The following DLG2 variants were observed in gnomAD, a reference collection of about 807,000 sequenced individuals.
DLG2 encodes the protein discs large MAGUK scaffold protein 2.
Under a neutral mutation model 132.5 loss-of-function variants are expected in DLG2, and 45 were observed. That is an observed-to-expected ratio of 0.34 (90% confidence interval 0.27 to 0.44). The LOEUF (loss-of-function observed/expected upper bound fraction) is 0.44. Among genes scored for constraint, DLG2 ranks in the 20% least tolerant of loss-of-function variants. DLG2 has a pLI of 1.00. For missense variants in DLG2, 1,045 were observed against 1,196.9 expected (o/e 0.87, Z 1.87); for synonymous variants, 424 against 419.6 (o/e 1.01, Z -0.13).
At chr11:83,834,614 T>C (rs2055591403) in intron 16 of DLG2, among the ~76,000 whole-genome samples, 1 of 151,940 alleles carries the variant, frequency 6.6e-6, no homozygotes, top group African/African-American at 2.4e-5. Flanking sequence ...GATATCCAGG[T>C]GGAGATGTTC....
At chr11:85,621,258 T>C (rs532021625) in intron 2 of DLG2, among the ~76,000 whole-genome samples, 1 of 152,132 alleles carries the variant, frequency 6.6e-6, no homozygotes, top group Non-Finnish European at 1.5e-5. Flanking sequence ...TTACTACTCA[T>C]TGACAATGCA....
intron 6 of DLG2, among the ~76,000 whole-genome samples, chr11:85,088,707 T>A (rs549311882): frequency 2.2e-4 from 34 of 152,332 alleles, no homozygotes; most frequent in East Asian, 1.2e-3. Context: ...ATGTCTAATA[T>A]TTGATACATG....
At chr11:84,941,563 C>A (rs916094829) in intron 6 of DLG2, among the ~76,000 whole-genome samples, 3 of 151,974 alleles carry the variant, frequency 2.0e-5, no homozygotes, top group African/African-American at 7.3e-5. Flanking sequence ...TCCTTGTATC[C>A]CTGAGATAGA....
At chr11:85,015,442 G>GA (rs1327586373) in intron 6 of DLG2, among the ~76,000 whole-genome samples, 1 of 144,988 alleles carries the variant, frequency 6.9e-6, no homozygotes. Flanking sequence ...TGGCAAAACA[G>GA]AAAAAAAAGC....
chr11:83,625,959 C>T (rs925510887), intron 19 of DLG2, among the ~76,000 whole-genome samples: 1 of 152,172 alleles, frequency 6.6e-6, no homozygotes, highest in Non-Finnish European at 1.5e-5. Context: ...TTTTCTCTCA[C>T]ATTTGTGTAG....
intron 6 of DLG2, among the ~76,000 whole-genome samples, chr11:84,903,501 TC>T (rs1190232794): frequency 6.6e-6 from 1 of 152,136 alleles, no homozygotes; most frequent in Non-Finnish European, 1.5e-5. Context: ...TATAAGCTAC[TC>T]AGGGGCAGGA....
intron 18 of DLG2, among the ~76,000 whole-genome samples, chr11:83,694,764 C>T (rs2081588878): frequency 6.6e-6 from 1 of 152,150 alleles, no homozygotes; most frequent in Non-Finnish European, 1.5e-5. Context: ...TAGCAATTGG[C>T]AAATCAGGCA....
intron 6 of DLG2, among the ~76,000 whole-genome samples, chr11:84,957,065 T>G (rs533371051): frequency 6.6e-6 from 1 of 152,318 alleles, no homozygotes; most frequent in South Asian, 2.1e-4. Context: ...CTAAGAACTA[T>G]GAATTAACTA....
chr11:84,892,367 T>G (rs2154064646), intron 6 of DLG2, among the ~76,000 whole-genome samples: 1 of 152,224 alleles, frequency 6.6e-6, no homozygotes, highest in South Asian at 2.1e-4. Context: ...AAATAACCAT[T>G]GTTAATGTTA....
chr11:85,044,679 T>C (rs1490124588), intron 6 of DLG2, among the ~76,000 whole-genome samples: 1 of 151,984 alleles, frequency 6.6e-6, no homozygotes, highest in Non-Finnish European at 1.5e-5. Context: ...CTGCTTAAAC[T>C]TGCCTATATG....
chr11:83,499,893 A>ATC (rs1565493067), intron 21 of DLG2, among the ~76,000 whole-genome samples: 68 of 114,726 alleles, frequency 5.9e-4, no homozygotes, highest in African/African-American at 2.3e-3. Context: ...ATATATATAT[A>ATC]TATATCAGTT....
chr11:84,486,918 A>G (rs1273815330), intron 7 of DLG2, among the ~76,000 whole-genome samples: 1 of 152,188 alleles, frequency 6.6e-6, no homozygotes, highest in African/African-American at 2.4e-5. Flanking sequence ...TAATGCATGT[A>G]TAAGACATTC....
intron 9 of DLG2, among the ~76,000 whole-genome samples, chr11:84,137,344 T>C (rs2094640322): frequency 6.6e-6 from 1 of 152,038 alleles, no homozygotes; most frequent in South Asian, 2.1e-4. Context: ...GAGAAAAAAA[T>C]AGCCCCATGT....
intron 6 of DLG2, among the ~76,000 whole-genome samples, chr11:84,753,303 G>A: frequency 6.6e-6 from 1 of 152,198 alleles, no homozygotes; most frequent in East Asian, 1.9e-4. Context: ...ATAAAGAAAG[G>A]AGTGGAAACA....
intron 15 of DLG2, among the ~76,000 whole-genome samples, chr11:83,880,214 G>T (rs1050237534): frequency 1.3e-5 from 2 of 152,100 alleles, no homozygotes; most frequent in African/African-American, 2.4e-5. Context: ...GGGGAATAAA[G>T]GGGTCAAGAT....
chr11:85,572,745 C>T (rs1046075754), intron 3 of DLG2, among the ~76,000 whole-genome samples: 4 of 152,180 alleles, frequency 2.6e-5, no homozygotes, highest in South Asian at 2.1e-4. Flanking sequence ...CACACATGCA[C>T]GCAACTCAAA....
At chr11:84,486,380 C>T (rs1031593752) in intron 7 of DLG2, among the ~76,000 whole-genome samples, 2 of 152,046 alleles carry the variant, frequency 1.3e-5, no homozygotes, top group Non-Finnish European at 2.9e-5. Context: ...TCATTTTTCT[C>T]CTCTGATTAA....
intron 7 of DLG2, among the ~76,000 whole-genome samples, chr11:84,287,971 A>G (rs1322517002): frequency 2.8e-5 from 1 of 36,030 alleles, no homozygotes; most frequent in Non-Finnish European, 6.8e-5. Context: ...AAAAAATAGT[A>G]TGGAAACGGG....
At chr11:84,388,227 G>A (rs759216286) in intron 7 of DLG2, among the ~76,000 whole-genome samples, 31 of 152,064 alleles carry the variant, frequency 2.0e-4, no homozygotes, top group Non-Finnish European at 3.1e-4. Context: ...AGTAGAGGGC[G>A]GATGGCCGTG....
Sources: gnomAD v4.1 joint callset for allele counts (sites outside exome capture counted in the v4.1 genomes callset) on GRCh38, gnomAD v4.1.1 for gene constraint, MANE v1.5 for transcripts, NCBI Gene and HGNC (gene_info 2026-07-23, HGNC 2026-07-21) for gene names.